Variants in ATRN observed in about 807,000 individuals in gnomAD.
ATRN encodes the protein attractin-2.
In ATRN, 54 loss-of-function variants were observed where a neutral mutation model predicts 178.7. The observed-to-expected ratio is 0.30, with a 90% confidence interval of 0.24 to 0.38. ATRN has a LOEUF of 0.38. ATRN is among the 10% of genes least tolerant of loss of function. The pLI, the probability that ATRN is intolerant of heterozygous loss-of-function variation, is 1.00. For missense variants in ATRN, 1,443 were observed against 1,815.1 expected (o/e 0.79, Z 3.73); for synonymous variants, 636 against 663.0 (o/e 0.96, Z 0.63).
Position 3,547,307 on chromosome 20 carries a change from GCTC to G in ATRN, c.762_764del (p.Cys254_Ser255delinsTer). Reference sequence around the variant, plus strand: ...AGTTTTGATATGTGTCCAAATAACTGCTCAGGCCGAGGAGAGTGTAAGATCAGT... The same window carrying G: ...AGTTTTGATATGTGTCCAAATAACTGAGGCCGAGGAGAGTGTAAGATCAGT... On this transcript the variant is annotated stop_gained and inframe_deletion, in exon 5 of 29. Transcript: ENST00000262919. LOFTEE classifies it high-confidence loss of function. 1 of 1,613,986 alleles carries G rather than the reference GCTC, an allele frequency of 6.2e-7. No homozygotes were observed. Among genetic ancestry groups the G allele is most frequent in the Non-Finnish European group, 8.5e-7 (1 of 1,179,860 alleles).
At chr20:3,626,185 T>C (rs1392314928) in intron 25 of ATRN, among the ~76,000 whole-genome samples, 1 of 148,292 alleles carries the variant, frequency 6.7e-6, no homozygotes, top group Non-Finnish European at 1.5e-5. Flanking sequence ...TGAGCGGAGA[T>C]TGCACCACTG....
intron 27 of ATRN, among the ~76,000 whole-genome samples, chr20:3,641,291 G>A (rs2087065428): frequency 6.6e-6 from 1 of 152,072 alleles, no homozygotes; most frequent in African/African-American, 2.4e-5. Flanking sequence ...CACAATTTTT[G>A]TTAAAAATGG....
In ATRN at chr20:3,645,226, G is replaced by A. The variant is rs982658168; in HGVS notation, c.4165+958G>A. Among the ~76,000 whole-genome samples the A allele has an allele frequency of 6.6e-6, 1 of 152,176 alleles. No individual in the cohort carries two copies. The highest frequency in any genetic ancestry group is 1.5e-5 in the Non-Finnish European group (1 of 68,026). On this transcript the variant is annotated intron_variant, in intron 28 of 28. Transcript: ENST00000262919. The surrounding 1 kb of genome is among the most constrained non-coding windows in gnomAD (Gnocchi z 4.7). ...AGGCTGCCCCAGGATACTGGTCCAGGCCCTGAGCTCCACTGTCCCTTCAGT... is the reference window on the plus strand; with the variant it reads ...AGGCTGCCCCAGGATACTGGTCCAGACCCTGAGCTCCACTGTCCCTTCAGT...
At chr20:3,565,289 T>A (rs920174979) in intron 10 of ATRN, 59 bp from the exon 11 acceptor site, 96 of 1,333,966 alleles carry the variant, frequency 7.2e-5, no homozygotes, top group Non-Finnish European at 9.4e-5. Flanking sequence ...AAAGAAAATG[T>A]CAGGTCCTGT....
chr20:3,585,940 TAAC>T (rs754694466), intron 18 of ATRN, among the ~76,000 whole-genome samples: 25 of 152,222 alleles, frequency 1.6e-4, no homozygotes, highest in Non-Finnish European at 3.4e-4. Flanking sequence ...AAACAGGTAA[TAAC>T]AAGTATTGGA....
At chr20:3,615,748 G>C (rs566994747) in intron 24 of ATRN, 4 of 453,810 alleles carry the variant, frequency 8.8e-6, no homozygotes, top group Non-Finnish European at 1.8e-5. Context: ...TAGAGACAGG[G>C]TTTTACCATG....
At chr20:3,485,854 T>G (rs924912767) in intron 1 of ATRN, among the ~76,000 whole-genome samples, 8 of 151,934 alleles carry the variant, frequency 5.3e-5, no homozygotes, top group Admixed American at 6.6e-5. Flanking sequence ...ACTCCTGACC[T>G]CATAATCCTC....
intron 24 of ATRN, among the ~76,000 whole-genome samples, chr20:3,611,790 T>A (rs2086770558): frequency 6.6e-6 from 1 of 152,006 alleles, no homozygotes; most frequent in Admixed American, 6.6e-5. Flanking sequence ...GAAAGCACAA[T>A]GAGATAACAC....
At position 3,591,255 on chromosome 20, in the gene ATRN, A is replaced by T; in HGVS notation, c.3271A>T (p.Thr1091Ser). ...ENLTTGKHCE[T>S]CISGFYGDPT... Reference sequence around the variant, plus strand: ...CCTGACCACAGGCAAGCACTGCGAGACCTGCATATCTGGCTTCTACGGTGA... The same window carrying T: ...CCTGACCACAGGCAAGCACTGCGAGTCCTGCATATCTGGCTTCTACGGTGA... Residue 1091 changes from threonine (T) to serine (S), a missense_variant, in exon 19 of 29, where the codon ACC becomes TCC. By Grantham distance (58) the Thr-to-Ser change is moderately conservative. Transcript: ENST00000262919. The T allele has an allele frequency of 6.2e-7, 1 of 1,614,196 alleles. No individual in the cohort carries two copies. The highest frequency in any genetic ancestry group is 8.5e-7 in the Non-Finnish European group (1 of 1,180,020).
intron 11 of ATRN, among the ~76,000 whole-genome samples, chr20:3,566,535 A>G (rs1484690598): frequency 2.0e-5 from 3 of 152,180 alleles, no homozygotes; most frequent in Non-Finnish European, 4.4e-5. Flanking sequence ...TGCCTGCATC[A>G]TGTTAGAATT....
At chr20:3,646,149 T>C (rs979673047) in intron 28 of ATRN, among the ~76,000 whole-genome samples, 1 of 152,152 alleles carries the variant, frequency 6.6e-6, no homozygotes, top group African/African-American at 2.4e-5. Context: ...GAAACTGAGG[T>C]GCAGGGAGGT....
intron 25 of ATRN, among the ~76,000 whole-genome samples, chr20:3,625,543 C>A (rs2086931203): frequency 1.3e-5 from 2 of 152,150 alleles, no homozygotes; most frequent in African/African-American, 2.4e-5. Flanking sequence ...TATCACTATA[C>A]TCTTGCTGAT....
intron 24 of ATRN, among the ~76,000 whole-genome samples, chr20:3,621,831 A>G (rs117304869): frequency 6.7e-6 from 1 of 149,500 alleles, no homozygotes; most frequent in Non-Finnish European, 1.5e-5. Context: ...TGAAGCAGGT[A>G]TGGTGCTGCT....
chr20:3,582,994 G>A lies in ATRN; in HGVS notation c.2764+640G>A, dbSNP rs139551969. On this transcript the variant is annotated intron_variant, in intron 16 of 28. Coordinates refer to ENST00000262919, the MANE Select transcript of ATRN (RefSeq NM_139321.3). ...AACTCAAAATAAGCCTCCTCCTCCT[G>A]CAGAGGGACTCACAAGCAGTCGGTG... Among the ~76,000 whole-genome samples the A allele has an allele frequency of 7.2e-5, 11 of 152,318 alleles. No individual in the cohort carries two copies. In the East Asian group the frequency reaches 7.7e-4, roughly 11 times the overall value.
Position 3,578,570 on chromosome 20 carries a change from C to T in ATRN, c.2354-12C>T. ...TAAAATTCTTTTCTTTCTCTTTTCCCCTTAATGAAAGAAAATATCTGTGGC... is the reference window on the plus strand; with the variant it reads ...TAAAATTCTTTTCTTTCTCTTTTCCTCTTAATGAAAGAAAATATCTGTGGC... On this transcript the variant is annotated splice_polypyrimidine_tract_variant and intron_variant, in intron 14 of 28. Transcript: ENST00000262919. 2 of 1,591,252 alleles carry T rather than the reference C, an allele frequency of 1.3e-6. No homozygotes were observed. Among genetic ancestry groups the T allele is most frequent in the Non-Finnish European group, 1.7e-6 (2 of 1,166,812 alleles).
intron 1 of ATRN, among the ~76,000 whole-genome samples, chr20:3,483,189 TTGAGA>T (rs914608731): frequency 7.9e-5 from 12 of 152,216 alleles, no homozygotes; most frequent in African/African-American, 2.4e-4. Context: ...TTTTTTAATC[TTGAGA>T]TGAGATATGC....
At position 3,650,072 on chromosome 20, in the gene ATRN, C is replaced by G. The variant is rs1320470367; in HGVS notation, c.*3225C>G. On this transcript the variant is annotated 3_prime_UTR_variant, in exon 29 of 29. Coordinates refer to ENST00000262919, the MANE Select transcript of ATRN (RefSeq NM_139321.3). The stretch of plus-strand genomic sequence containing the variant: ...GCAGTCCTGGACAGAAGACTGTCAG[C>G]AGAAGGAAAGTACTGGACTACCCGT... The G allele has an allele frequency of 2.6e-5, 4 of 152,198 alleles. No individual in the cohort carries two copies. The highest frequency in any genetic ancestry group is 2.0e-4 in the Admixed American group (3 of 15,274). The allele number at this position is 152,198 out of a possible 1,614,324, so 9.4% of individuals were successfully genotyped here. A position where few individuals can be genotyped will look rare whatever the true frequency, so the allele number is the denominator to read the frequency against.
At chr20:3,537,313 C>G (rs1365669149) in intron 2 of ATRN, among the ~76,000 whole-genome samples, 1 of 152,092 alleles carries the variant, frequency 6.6e-6, no homozygotes, top group African/African-American at 2.4e-5. Flanking sequence ...TGCCAGATAT[C>G]CAACTCTGAA....
intron 1 of ATRN, among the ~76,000 whole-genome samples, chr20:3,518,385 A>G (rs1055346627): frequency 6.6e-6 from 1 of 152,220 alleles, no homozygotes; most frequent in Non-Finnish European, 1.5e-5. Flanking sequence ...ACATTATGCT[A>G]TGTGAAAAAA....
Sources: gnomAD v4.1 joint callset for allele counts (sites outside exome capture counted in the v4.1 genomes callset) on GRCh38, gnomAD v4.1.1 for gene constraint, Gnocchi (gnomAD v3.1) non-coding constraint, MANE v1.5 for transcripts, NCBI Gene and HGNC (gene_info 2026-07-23, HGNC 2026-07-21) for gene names.